The following CNNM2 variants were observed in gnomAD, a reference collection of about 807,000 sequenced individuals.
CNNM2 encodes cyclin and CBS domain divalent metal cation transport mediator 2, also known as metal transporter CNNM2.
Under a neutral mutation model 66.9 loss-of-function variants are expected in CNNM2, and 12 were observed. That is an observed-to-expected ratio of 0.18 (90% CI 0.11 to 0.29). The LOEUF (loss-of-function observed/expected upper bound fraction) is 0.29. Among genes scored for constraint, CNNM2 ranks in the 10% least tolerant of loss-of-function variants. CNNM2 has a pLI of 1.00. For synonymous variants in CNNM2, 557 were observed against 501.8 expected, an observed-to-expected ratio of 1.11 and a Z score of -1.47; for missense variants, 705 against 1,167.7, an observed-to-expected ratio of 0.60 and a Z score of 5.77.
chr10:102,940,764 C>T (rs1012231465), intron 1 of CNNM2, among the ~76,000 whole-genome samples: 5 of 151,980 alleles, frequency 3.3e-5, no homozygotes, highest in Admixed American at 2.6e-4. Flanking sequence ...TTCTGTCACC[C>T]AGGCTGGAGT....
At chr10:103,051,673 GA>G (rs1161552133) in intron 2 of CNNM2, among the ~76,000 whole-genome samples, 1 of 152,092 alleles carries the variant, frequency 6.6e-6, no homozygotes, top group Non-Finnish European at 1.5e-5. Flanking sequence ...CCAGGAGGTG[GA>G]GGTTGCAGTG....
chr10:103,007,747 A>C (rs2064256326), intron 1 of CNNM2, among the ~76,000 whole-genome samples: 1 of 152,144 alleles, frequency 6.6e-6, no homozygotes, highest in African/African-American at 2.4e-5. Context: ...CACTGATTTC[A>C]TATTGTTCAA....
At chr10:103,068,356 A>G (rs2065516018) in intron 4 of CNNM2, 1 of 356,830 alleles carries the variant, frequency 2.8e-6, no homozygotes, top group African/African-American at 2.0e-5. Flanking sequence ...TCTACAAAGA[A>G]AACTGTATTT....
At position 103,088,631 on chromosome 10, in the gene CNNM2, C is replaced by T. The variant is rs779417988; in HGVS notation, c.*11451C>T. The T allele has an allele frequency of 4.2e-5, 7 of 166,544 alleles. No homozygotes were observed. Among genetic ancestry groups the T allele is most frequent in the Non-Finnish European group, 7.9e-5 (6 of 76,346 alleles). The allele number at this position is 166,544 out of a possible 1,614,324, so 10.3% of individuals were successfully genotyped here. ...CGAACTCCCGACCTCAGGTGATCCG[C>T]CTGTCTCGGCCTCCCAAAGTGCTGG... On this transcript the variant is annotated 3_prime_UTR_variant, in exon 8 of 8. Transcript: ENST00000369878.
intron 1 of CNNM2, among the ~76,000 whole-genome samples, chr10:102,966,653 G>A (rs894665489): frequency 1.3e-5 from 2 of 152,134 alleles, no homozygotes; most frequent in African/African-American, 4.8e-5. Flanking sequence ...TGTTTAAATG[G>A]TGCCTATTCC....
intron 1 of CNNM2, 32 bp downstream of exon 1, chr10:102,920,133 C>T (rs996600000): frequency 8.7e-6 from 14 of 1,614,100 alleles, no homozygotes; most frequent in Non-Finnish European, 1.0e-5. Flanking sequence ...CATTGGCTTG[C>T]TCTTTCTCTC....
chr10:103,077,229 G>A lies in CNNM2; in HGVS notation c.*49G>A. On this transcript the variant is annotated 3_prime_UTR_variant, in exon 8 of 8. Transcript: ENST00000369878. ...GGCCCGCACCCGCCCAGTCCCGAGG[G>A]CCCGGCCCTGTCTGCCCATGACTTC... The A allele has an allele frequency of 6.5e-7, 1 of 1,549,742 alleles. No individual in the cohort carries two copies.
rs1261111286 is a variant in CNNM2, at chr10:103,087,172, T to TTTTTTTTA, written c.*9992_*9993insTTTTTTTA. ...TTTTTTTTTTTTTTTTTTTTTTTTTTAAGGAAAAAAGTATACCTTTTAAGT... is the reference window on the plus strand; with the variant it reads ...TTTTTTTTTTTTTTTTTTTTTTTTTTTTTTTTTAAAGGAAAAAAGTATACCTTTTAAGT... On this transcript the variant is annotated 3_prime_UTR_variant, in exon 8 of 8. Coordinates refer to ENST00000369878, the MANE Select transcript of CNNM2 (RefSeq NM_017649.5). 1.9e-5 allele frequency: 2 copies of TTTTTTTTA among 108,092 alleles called. No homozygotes were observed. The highest frequency in any genetic ancestry group is 3.9e-5 in the Non-Finnish European group (2 of 51,800). 6.7% of individuals were successfully genotyped at this position (108,092 alleles called of 1,614,324 possible). A position where few individuals can be genotyped will look rare whatever the true frequency, so the allele number is the denominator to read the frequency against.
intron 1 of CNNM2, among the ~76,000 whole-genome samples, chr10:103,045,506 A>G (rs2134323379): frequency 6.6e-6 from 1 of 152,274 alleles, no homozygotes; most frequent in East Asian, 1.9e-4. Context: ...CCCTCAGAAT[A>G]TTTTTAATGT....
At chr10:103,013,139 T>C (rs1055114857) in intron 1 of CNNM2, among the ~76,000 whole-genome samples, 2 of 152,142 alleles carry the variant, frequency 1.3e-5, no homozygotes, top group Non-Finnish European at 2.9e-5. Flanking sequence ...ATCTTTGATA[T>C]TTAATATTTA....
chr10:102,934,477 C>A (rs1846167794), intron 1 of CNNM2, among the ~76,000 whole-genome samples: 1 of 151,660 alleles, frequency 6.6e-6, no homozygotes, highest in Admixed American at 6.6e-5. Flanking sequence ...GGTGAGGTTT[C>A]ACCATGTTGG....
chr10:103,042,822 TC>T (rs1228776008), intron 1 of CNNM2, among the ~76,000 whole-genome samples: 1 of 152,218 alleles, frequency 6.6e-6, no homozygotes, highest in Non-Finnish European at 1.5e-5. Context: ...CCTCTGGAGA[TC>T]TTAAGTGTAG....
chr10:103,032,866 C>T (rs2064855771), intron 1 of CNNM2, among the ~76,000 whole-genome samples: 1 of 150,950 alleles, frequency 6.6e-6, no homozygotes, highest in Non-Finnish European at 1.5e-5. Context: ...GTCTGTAATC[C>T]CAACACTTTG....
chr10:103,086,705 C>T lies in CNNM2; in HGVS notation c.*9525C>T, dbSNP rs1482612056. ...TAAGGATTTGTAGTTCTATTAAAAA[C>T]GACTTCTAAAAGTATCTTAGGGTAG... On this transcript the variant is annotated 3_prime_UTR_variant, in exon 8 of 8. Transcript: ENST00000369878. The T allele has an allele frequency of 1.3e-5, 2 of 152,120 alleles. No individual in the cohort carries two copies. The highest frequency in any genetic ancestry group is 1.9e-4 in the East Asian group (1 of 5,196). 9.4% of individuals were successfully genotyped at this position (152,120 alleles called of 1,614,324 possible).
At chr10:102,992,432 C>T in intron 1 of CNNM2, among the ~76,000 whole-genome samples, 1 of 152,024 alleles carries the variant, frequency 6.6e-6, no homozygotes, top group African/African-American at 2.4e-5. Flanking sequence ...TGCCACCAAG[C>T]CCTGCTAATT....
intron 2 of CNNM2, among the ~76,000 whole-genome samples, chr10:103,050,345 G>A (rs768118810): frequency 2.0e-5 from 3 of 151,976 alleles, no homozygotes; most frequent in South Asian, 2.1e-4. Flanking sequence ...TAGCCTGGCC[G>A]ACATGGTGAA....
At chr10:103,058,976 G>GTT (rs1162172673) in intron 4 of CNNM2, among the ~76,000 whole-genome samples, 5 of 152,052 alleles carry the variant, frequency 3.3e-5, no homozygotes, top group Non-Finnish European at 5.9e-5. Flanking sequence ...TGTTTGTTTT[G>GTT]TTTTTTGTTT....
chr10:102,965,200 C>T (rs754638988), intron 1 of CNNM2, among the ~76,000 whole-genome samples: 3 of 152,220 alleles, frequency 2.0e-5, no homozygotes, highest in Non-Finnish European at 4.4e-5. Flanking sequence ...TATGAAGCAC[C>T]TGACACACAG....
rs189352976 is a variant in CNNM2, at chr10:103,017,384, G to A, written c.1622-32323G>A. On this transcript the variant is annotated intron_variant, in intron 1 of 7. Coordinates refer to ENST00000369878, the MANE Select transcript of CNNM2 (RefSeq NM_017649.5). ...TCATGTCCCTGCCTTCTTGGTTTCA[G>A]TATCTAAGTGGGGAGCAGACTAAGC... 1.4e-3 allele frequency among the ~76,000 whole-genome samples: 213 copies of A among 152,304 alleles called. 1 individual carries two copies. Among genetic ancestry groups the A allele is most frequent in the African/African-American group, 4.6e-3 (192 of 41,554 alleles).
Sources: gnomAD v4.1 joint callset for allele counts (sites outside exome capture counted in the v4.1 genomes callset) on GRCh38, gnomAD v4.1.1 for gene constraint, MANE v1.5 for transcripts, NCBI Gene and HGNC (gene_info 2026-07-23, HGNC 2026-07-21) for gene names.